GPC6: variants seen among roughly 807,000 people sequenced by gnomAD.
GPC6 encodes glypican 6.
In GPC6, 14 loss-of-function variants were observed where a neutral mutation model predicts 55.2. The ratio of observed to expected loss-of-function variants is 0.25; its 90% CI spans 0.17 to 0.40. The LOEUF is 0.40. Ranked by LOEUF, GPC6 falls within the 10% of genes least tolerant of loss-of-function variation. The pLI is 1.00. For missense variants in GPC6, 641 were observed against 708.5 expected, an observed-to-expected ratio of 0.90 and a Z score of 1.08; for synonymous variants, 278 against 259.6, an observed-to-expected ratio of 1.07 and a Z score of -0.68.
At chr13:93,441,964 A>T (rs1296426042) in intron 1 of GPC6, among the ~76,000 whole-genome samples, 1 of 152,116 alleles carries the variant, frequency 6.6e-6, no homozygotes, top group Admixed American at 6.5e-5. Context: ...AATCCAGGAC[A>T]GCTAGCTGGG....
chr13:93,529,015 G>A (rs1442724797), intron 1 of GPC6, among the ~76,000 whole-genome samples: 2 of 152,088 alleles, frequency 1.3e-5, no homozygotes, highest in Non-Finnish European at 2.9e-5. Flanking sequence ...GTATCACAAA[G>A]TGATACTTTC....
Position 93,395,381 on chromosome 13 carries a change from A to G in GPC6, c.161-149882A>G, listed in dbSNP as rs557854759. On this transcript the variant is annotated intron_variant, in intron 1 of 8. Transcript: ENST00000377047. ...CACAGGATGGTATTTCGGAATGACA[A>G]TCTTATCCACAGAATCACGGCCATC... 67 of 357,596 alleles carry G rather than the reference A, an allele frequency of 1.9e-4. 1 individual carries two copies. The highest frequency in any genetic ancestry group is 1.4e-3 in the East Asian group (22 of 15,428). 22.2% of individuals were successfully genotyped at this position (357,596 alleles called of 1,614,324 possible).
At chr13:94,084,816 C>T (rs1457765398) in intron 4 of GPC6, among the ~76,000 whole-genome samples, 1 of 152,110 alleles carries the variant, frequency 6.6e-6, no homozygotes, top group Non-Finnish European at 1.5e-5. Flanking sequence ...TGCTGAGTCA[C>T]TTGAAGATGC....
intron 4 of GPC6, among the ~76,000 whole-genome samples, chr13:94,097,398 CG>C (rs1323881343): frequency 6.7e-6 from 1 of 149,246 alleles, no homozygotes; most frequent in Non-Finnish European, 1.5e-5. Flanking sequence ...TCCCAGCTAC[CG>C]AGGAGGCTGA....
At chr13:93,909,577 A>C (rs548650321) in intron 3 of GPC6, among the ~76,000 whole-genome samples, 1 of 152,262 alleles carries the variant, frequency 6.6e-6, no homozygotes, top group Non-Finnish European at 1.5e-5. Context: ...ATAAAAGTTC[A>C]CTGTTATCCT....
chr13:94,376,495 A>T (rs1306968336), intron 6 of GPC6, among the ~76,000 whole-genome samples: 1 of 152,078 alleles, frequency 6.6e-6, no homozygotes, highest in Non-Finnish European at 1.5e-5. Context: ...CTTACAAGGG[A>T]TATGAAGGAC....
chr13:93,489,064 G>T (rs1299522112), intron 1 of GPC6, among the ~76,000 whole-genome samples: 1 of 151,432 alleles, frequency 6.6e-6, no homozygotes, highest in Non-Finnish European at 1.5e-5. Flanking sequence ...GTCCTGAATT[G>T]TATTGCCTAG....
chr13:93,235,910 C>T (rs555156137), intron 1 of GPC6, among the ~76,000 whole-genome samples: 1 of 152,306 alleles, frequency 6.6e-6, no homozygotes, highest in Admixed American at 6.5e-5. Context: ...TTCTCTCTGT[C>T]TTTTGGCTCT....
intron 2 of GPC6, among the ~76,000 whole-genome samples, chr13:93,640,743 C>CT (rs1198967369): frequency 1.9e-5 from 2 of 106,432 alleles, no homozygotes; most frequent in East Asian, 4.7e-4. Flanking sequence ...CTCCCTCCTC[C>CT]CCACTTTCCT....
At chr13:94,164,532 A>G (rs1888282730) in intron 4 of GPC6, among the ~76,000 whole-genome samples, 2 of 152,222 alleles carry the variant, frequency 1.3e-5, no homozygotes, top group South Asian at 2.1e-4. Flanking sequence ...GTGAAAGTGT[A>G]ACAAGCAGTA....
intron 1 of GPC6, among the ~76,000 whole-genome samples, chr13:93,501,039 A>G (rs2590514): frequency 1.3e-5 from 2 of 152,096 alleles, no homozygotes; most frequent in South Asian, 4.1e-4. Context: ...TATCTTATCC[A>G]CACACGAGAA....
intron 5 of GPC6, among the ~76,000 whole-genome samples, chr13:94,294,495 C>T (rs916641755): frequency 2.0e-5 from 3 of 149,716 alleles, no homozygotes; most frequent in Admixed American, 2.0e-4. Flanking sequence ...TAACTTCTGT[C>T]TCTAGCTATT....
chr13:93,612,465 C>T (rs1005154528), intron 2 of GPC6, among the ~76,000 whole-genome samples: 21 of 150,786 alleles, frequency 1.4e-4, no homozygotes, highest in African/African-American at 4.9e-4. Context: ...CGCCACTGCA[C>T]TCCAGCCTGG....
chr13:94,240,401 G>A (rs1245185356), intron 4 of GPC6, among the ~76,000 whole-genome samples: 3 of 152,042 alleles, frequency 2.0e-5, no homozygotes, highest in East Asian at 1.9e-4. Context: ...ATTTTTACCC[G>A]AGAGGGCCTC....
At position 94,144,404 on chromosome 13, in the gene GPC6, A is replaced by AACACACAC. The variant is rs59772537; in HGVS notation, c.877+116543_877+116550dup. On this transcript the variant is annotated intron_variant, in intron 4 of 8. Transcript: ENST00000377047. ...CTCTTTGCCTCTTAGGTGCTTTTAA[A>AACACACAC]ACACACACACACACACACACACACA... Among the ~76,000 whole-genome samples the AACACACAC allele has an allele frequency of 7.5e-3, 1,082 of 143,392 alleles. 5 individuals carry two copies. The highest frequency in any genetic ancestry group is 9.3e-3 in the Non-Finnish European group (611 of 65,816). 94.1% of individuals were successfully genotyped at this position (143,392 alleles called of 152,430 possible). A position where few individuals can be genotyped will look rare whatever the true frequency, so the allele number is the denominator to read the frequency against.
chr13:93,549,916 G>A (rs978259800), intron 2 of GPC6, among the ~76,000 whole-genome samples: 5 of 152,082 alleles, frequency 3.3e-5, no homozygotes, highest in Non-Finnish European at 7.4e-5. Flanking sequence ...AAATAGTCAT[G>A]TTATATATAG....
At chr13:93,931,436 CAAAA>C (rs11334620) in intron 3 of GPC6, among the ~76,000 whole-genome samples, 17 of 121,648 alleles carry the variant, frequency 1.4e-4, no homozygotes, top group Non-Finnish European at 1.5e-4. Context: ...CATACACAGG[CAAAA>C]AAAAAAAAAA....
At chr13:93,897,057 T>C (rs1594568323) in intron 3 of GPC6, among the ~76,000 whole-genome samples, 1 of 151,798 alleles carries the variant, frequency 6.6e-6, no homozygotes, top group East Asian at 1.9e-4. Flanking sequence ...TGTGTGTGTA[T>C]TTTCAGCCAA....
intron 2 of GPC6, among the ~76,000 whole-genome samples, chr13:93,702,179 T>G (rs775342697): frequency 1.1e-4 from 16 of 152,064 alleles, no homozygotes; most frequent in Non-Finnish European, 1.5e-4. Flanking sequence ...GAGCTATAGA[T>G]TTGATGTTCT....
Sources: allele counts gnomAD v4.1 joint callset (sites outside exome capture counted in the v4.1 genomes callset), GRCh38; gene constraint gnomAD v4.1.1; transcripts MANE v1.5; gene names NCBI Gene and HGNC (gene_info 2026-07-23, HGNC 2026-07-21).